FANCC: variants seen among roughly 807,000 people sequenced by gnomAD.
FANCC encodes the protein FA complementation group C, also known as Fanconi anemia group C protein.
A neutral mutation model predicts 71.3 loss-of-function variants in FANCC; 55 were observed. That is an observed-to-expected ratio of 0.77 (90% CI 0.62 to 0.97). The LOEUF (loss-of-function observed/expected upper bound fraction) is 0.97. FANCC is among the 50% of genes least tolerant of loss of function. The pLI, the probability that FANCC is intolerant of heterozygous loss-of-function variation, is 0.00. For synonymous variants in FANCC, 275 were observed against 244.9 expected (o/e 1.12, Z -1.15); for missense variants, 678 against 670.9 (o/e 1.01, Z -0.12).
chr9:95,307,878 T>C (rs1420040598), intron 1 of FANCC, among the ~76,000 whole-genome samples: 1 of 152,236 alleles, frequency 6.6e-6, no homozygotes, highest in African/African-American at 2.4e-5. Flanking sequence ...CTCAGTAGTT[T>C]ACAAATAACA....
At chr9:95,245,981 G>A (rs1830947801) in intron 3 of FANCC, among the ~76,000 whole-genome samples, 2 of 152,118 alleles carry the variant, frequency 1.3e-5, no homozygotes, top group South Asian at 2.1e-4. Context: ...GTAACTGCAA[G>A]TGCAGAAAGT....
intron 4 of FANCC, among the ~76,000 whole-genome samples, chr9:95,195,053 C>T (rs1487946895): frequency 1.3e-5 from 2 of 151,960 alleles, no homozygotes; most frequent in African/African-American, 4.8e-5. Context: ...CAAAAATTAG[C>T]TTGGCGTGGT....
intron 10 of FANCC, among the ~76,000 whole-genome samples, chr9:95,118,197 T>G (rs1167221713): frequency 6.6e-6 from 1 of 152,070 alleles, no homozygotes; most frequent in Non-Finnish European, 1.5e-5. Context: ...TTTTGCATTT[T>G]TAGTGGAGAT....
intron 5 of FANCC, 145 bp downstream of exon 5, chr9:95,171,892 C>G: frequency 1.5e-6 from 1 of 655,392 alleles, no homozygotes; most frequent in Non-Finnish European, 2.8e-6. Flanking sequence ...CCGTACATGG[C>G]CATAAGTCTG....
chr9:95,294,099 C>G, intron 1 of FANCC: 12 of 1,610,720 alleles, frequency 7.5e-6, no homozygotes, highest in Non-Finnish European at 9.3e-6. Context: ...AGACCCAAAC[C>G]ATAGATTTAT....
At chr9:95,271,119 G>A (rs926057731) in intron 1 of FANCC, among the ~76,000 whole-genome samples, 2 of 152,182 alleles carry the variant, frequency 1.3e-5, no homozygotes, top group African/African-American at 4.8e-5. Flanking sequence ...TGTCACAGCT[G>A]GGAGAAGGAT....
At chr9:95,278,943 T>C (rs1418176641) in intron 1 of FANCC, among the ~76,000 whole-genome samples, 1 of 152,062 alleles carries the variant, frequency 6.6e-6, no homozygotes, top group Non-Finnish European at 1.5e-5. Context: ...CCCAGCACTT[T>C]GAGAGGCCAA....
chr9:95,149,482 ATTT>A (rs59214891), intron 7 of FANCC, among the ~76,000 whole-genome samples: 1 of 146,638 alleles, frequency 6.8e-6, no homozygotes, highest in African/African-American at 2.5e-5. Context: ...ATCCTCAGTA[ATTT>A]TTTTTTTTTT....
chr9:95,278,832 A>G (rs1438334221), intron 1 of FANCC, among the ~76,000 whole-genome samples: 2 of 152,188 alleles, frequency 1.3e-5, no homozygotes, highest in Non-Finnish European at 2.9e-5. Context: ...CACTAAAAAA[A>G]AAAAATTCAA....
At chr9:95,211,239 C>T (rs1828476255) in intron 4 of FANCC, among the ~76,000 whole-genome samples, 1 of 152,172 alleles carries the variant, frequency 6.6e-6, no homozygotes, top group South Asian at 2.1e-4. Context: ...GGAGAGCCAT[C>T]GTGAGCAGAG....
At chr9:95,104,267 A>G (rs2071273936) in intron 14 of FANCC, among the ~76,000 whole-genome samples, 1 of 152,232 alleles carries the variant, frequency 6.6e-6, no homozygotes, top group Non-Finnish European at 1.5e-5. Flanking sequence ...AAAACATCCG[A>G]AAGGACAGCC....
chr9:95,246,616 G>A (rs356668), intron 3 of FANCC, among the ~76,000 whole-genome samples: 2,348 of 152,274 alleles, frequency 0.015, 20 homozygotes, highest in Non-Finnish European at 0.023. Context: ...TCCTGTTCTC[G>A]AGAGGCATGC....
rs542059208 is a variant in FANCC, at chr9:95,315,861, A to G, written c.-79+1665T>C. ...TGGTTCTCATAAACACGAAATTTGT[A>G]TAATTGTTATTGGAACTACCTGCTG... On this transcript the variant is annotated intron_variant, in intron 1 of 14. Transcript: ENST00000289081. Among the ~76,000 whole-genome samples the G allele has an allele frequency of 3.9e-5, 6 of 152,328 alleles. No individual in the cohort carries two copies. In the East Asian group the frequency reaches 9.6e-4, roughly 24 times the overall value.
At chr9:95,226,058 C>T (rs898109037) in intron 4 of FANCC, among the ~76,000 whole-genome samples, 2 of 152,096 alleles carry the variant, frequency 1.3e-5, no homozygotes, top group Admixed American at 6.6e-5. Flanking sequence ...TAAAATGATG[C>T]TAAATGCCAT....
intron 11 of FANCC, among the ~76,000 whole-genome samples, chr9:95,115,217 C>T (rs553209596): frequency 9.2e-5 from 14 of 152,218 alleles, no homozygotes; most frequent in Middle Eastern, 3.4e-3. Context: ...GCTGGAATTA[C>T]AGGCATTAAT....
At chr9:95,180,281 C>G (rs1453146324) in intron 4 of FANCC, among the ~76,000 whole-genome samples, 1 of 149,418 alleles carries the variant, frequency 6.7e-6, no homozygotes, top group Admixed American at 6.7e-5. Context: ...ATAACAATGT[C>G]TTCTTCTGGA....
At chr9:95,152,502 C>A (rs988453899) in intron 6 of FANCC, among the ~76,000 whole-genome samples, 2 of 152,162 alleles carry the variant, frequency 1.3e-5, no homozygotes, top group African/African-American at 4.8e-5. Flanking sequence ...CGTGGCCACA[C>A]CCAGTGAACC....
chr9:95,243,883 CA>C (rs1342656464), intron 3 of FANCC, among the ~76,000 whole-genome samples: 1 of 152,230 alleles, frequency 6.6e-6, no homozygotes, highest in Non-Finnish European at 1.5e-5. Flanking sequence ...AGGGGCGACA[CA>C]GGCAACATCT....
Position 95,301,726 on chromosome 9 carries a change from A to G in FANCC, c.-79+15800T>C, listed in dbSNP as rs984226495. Among the ~76,000 whole-genome samples, 6 of 151,848 alleles carry G rather than the reference A, an allele frequency of 4.0e-5. No homozygotes were observed. In the South Asian group the frequency reaches 1.0e-3, roughly 26 times the overall value. ...CCTGCCTGGGATTTGTTGTTGTTGCATTTTTTCCCTGTGTTTTTCAATTTA... is the reference window on the plus strand; with the variant it reads ...CCTGCCTGGGATTTGTTGTTGTTGCGTTTTTTCCCTGTGTTTTTCAATTTA... On this transcript the variant is annotated intron_variant, in intron 1 of 14. Coordinates refer to ENST00000289081, the MANE Select transcript of FANCC (RefSeq NM_000136.3).
Sources: allele counts gnomAD v4.1 joint callset (sites outside exome capture counted in the v4.1 genomes callset), GRCh38; gene constraint gnomAD v4.1.1; transcripts MANE v1.5; gene names NCBI Gene and HGNC (gene_info 2026-07-23, HGNC 2026-07-21).